The following MGAT5B variants were observed in gnomAD, a reference collection of about 807,000 sequenced individuals.
MGAT5B encodes N-acetylglucosaminyl-transferase Vb.
In MGAT5B, 54 loss-of-function variants were observed where a neutral mutation model predicts 95.1. The observed-to-expected ratio is 0.57, with a 90% confidence interval of 0.46 to 0.71. The LOEUF is 0.71. Among genes scored for constraint, MGAT5B ranks in the 30% least tolerant of loss-of-function variants. The pLI is 0.00. For missense variants in MGAT5B, 935 were observed against 1,088.6 expected (o/e 0.86, Z 1.99); for synonymous variants, 464 against 451.0 (o/e 1.03, Z -0.36).
At chr17:76,875,653 C>CTTTTTTTTTTTTTTTTTTTTTTTTTT (rs547158669) in intron 2 of MGAT5B, among the ~76,000 whole-genome samples, 1 of 67,114 alleles carries the variant, frequency 1.5e-5, no homozygotes, top group Non-Finnish European at 2.6e-5. Flanking sequence ...GTCACTTGCA[C>CTTTTTTTTTTTTTTTTTTTTTTTTTT]TTTTTTTTTT....
At position 76,940,261 on chromosome 17, in the gene MGAT5B, C is replaced by G; in HGVS notation, c.1585-141C>G. The G allele has an allele frequency of 9.3e-7, 1 of 1,078,580 alleles. No homozygotes were observed. The highest frequency in any genetic ancestry group is 1.3e-6 in the Non-Finnish European group (1 of 782,118). 66.8% of individuals were successfully genotyped at this position (1,078,580 alleles called of 1,614,324 possible). A position where few individuals can be genotyped will look rare whatever the true frequency, so the allele number is the denominator to read the frequency against. ...TCCAGCCCTGTTATAGCTCACATAACAGGCTGAGCAAAAATAATCGCTCCA... is the reference window on the plus strand; with the variant it reads ...TCCAGCCCTGTTATAGCTCACATAAGAGGCTGAGCAAAAATAATCGCTCCA... On this transcript the variant is annotated intron_variant, in intron 13 of 17. Coordinates refer to ENST00000569840, the MANE Select transcript of MGAT5B (RefSeq NM_001199172.2). The surrounding 1 kb of genome is among the most constrained non-coding windows in gnomAD (Gnocchi z 4.3).
At chr17:76,913,920 G>A in intron 8 of MGAT5B, 1 of 394,170 alleles carries the variant, frequency 2.5e-6, no homozygotes, top group Admixed American at 2.9e-5. Flanking sequence ...AGACCAGCCT[G>A]GGCAAGATAG....
rs1485731533 is a variant in MGAT5B, at chr17:76,870,508, G to A, written c.68+1411G>A. Among the ~76,000 whole-genome samples the A allele has an allele frequency of 6.6e-6, 1 of 152,188 alleles. No individual in the cohort carries two copies. The highest frequency in any genetic ancestry group is 1.5e-5 in the Non-Finnish European group (1 of 68,026). Reference sequence around the variant, plus strand: ...ACCCCATCCCTGTCCCGCCCTCCGGGCCGCTGGGTGTTTCCTGGCGCGATT... The same window carrying A: ...ACCCCATCCCTGTCCCGCCCTCCGGACCGCTGGGTGTTTCCTGGCGCGATT... On this transcript the variant is annotated intron_variant, in intron 1 of 17. Coordinates refer to ENST00000569840, the MANE Select transcript of MGAT5B (RefSeq NM_001199172.2). The surrounding 1 kb of genome is among the most constrained non-coding windows in gnomAD (Gnocchi z 5.0).
At chr17:76,887,056 C>CAAAAAACAAAAACA (rs1967658552) in intron 3 of MGAT5B, among the ~76,000 whole-genome samples, 1 of 59,350 alleles carries the variant, frequency 1.7e-5, no homozygotes, top group Non-Finnish European at 2.6e-5. Context: ...AAAACAAAAA[C>CAAAAAACAAAAACA]AAAAAAACAC....
At position 76,917,779 on chromosome 17, in the gene MGAT5B, G is replaced by C. The variant is rs1342909912; in HGVS notation, c.1026-7187G>C. Among the ~76,000 whole-genome samples the C allele has an allele frequency of 6.6e-6, 1 of 152,164 alleles. No homozygotes were observed. The highest frequency in any genetic ancestry group is 2.4e-5 in the African/African-American group (1 of 41,450). On this transcript the variant is annotated intron_variant, in intron 8 of 17. Coordinates refer to ENST00000569840, the MANE Select transcript of MGAT5B (RefSeq NM_001199172.2). This position sits in a 1 kb window ranked among gnomAD's most constrained non-coding sequence, Gnocchi z 6.1. The stretch of plus-strand genomic sequence containing the variant: ...CCCTGGCACACAGGAGTCACCCGAG[G>C]AGCTGAAAATAATCCCCGACGCCCA...
intron 1 of MGAT5B, 37 bp from the exon 2 acceptor site, chr17:76,872,814 T>C: frequency 6.2e-7 from 1 of 1,614,162 alleles, no homozygotes; most frequent in South Asian, 1.1e-5. Context: ...ACGATGGCCC[T>C]TCCTGCCCTC....
chr17:76,900,641 G>A (rs79994997), intron 3 of MGAT5B, among the ~76,000 whole-genome samples: 1,628 of 152,330 alleles, frequency 0.011, 24 homozygotes, highest in African/African-American at 0.028. Context: ...GTCTAAAGGC[G>A]CCGGCCCTGC....
chr17:76,874,144 A>G (rs1280903113), intron 2 of MGAT5B, among the ~76,000 whole-genome samples: 1 of 152,118 alleles, frequency 6.6e-6, no homozygotes, highest in African/African-American at 2.4e-5. Flanking sequence ...TGACTTGCAG[A>G]GATTCCTCAA....
chr17:76,942,121 C>G (rs1280671655), intron 15 of MGAT5B, among the ~76,000 whole-genome samples: 1 of 152,196 alleles, frequency 6.6e-6, no homozygotes, highest in Non-Finnish European at 1.5e-5. Flanking sequence ...CCTAGCAAAG[C>G]ACCGGCCTAG....
chr17:76,869,217 T>G lies in MGAT5B; in HGVS notation c.68+120T>G. ...AGGGGGCGGTTCACACTTCAACCCC[T>G]GGTGATGACCAGTGGGGCTGGGCTG... On this transcript the variant is annotated intron_variant, in intron 1 of 17. Coordinates refer to ENST00000569840, the MANE Select transcript of MGAT5B (RefSeq NM_001199172.2). This position sits in a 1 kb window ranked among gnomAD's most constrained non-coding sequence, Gnocchi z 7.0. The G allele has an allele frequency of 4.7e-5, 37 of 784,550 alleles. No homozygotes were observed. Among genetic ancestry groups the G allele is most frequent in the East Asian group, 9.2e-5 (3 of 32,606 alleles). The allele number at this position is 784,550 out of a possible 1,614,324, so 48.6% of individuals were successfully genotyped here. A position where few individuals can be genotyped will look rare whatever the true frequency, so the allele number is the denominator to read the frequency against.
intron 2 of MGAT5B, among the ~76,000 whole-genome samples, chr17:76,874,968 C>T (rs559000497): frequency 4.6e-5 from 7 of 152,134 alleles, no homozygotes; most frequent in South Asian, 2.1e-4. Context: ...TGTGTGTGTG[C>T]GTGTACGTGG....
Position 76,949,029 on chromosome 17 carries a change from C to CT in MGAT5B, c.*192dup. On this transcript the variant is annotated 3_prime_UTR_variant, in exon 18 of 18. Transcript: ENST00000569840. Reference sequence around the variant, plus strand: ...TAGGAGGAGGCAGCATGCCGAGCCCCTGGGACCTCCCAGGCAGGCTCCGGT... The same window carrying CT: ...TAGGAGGAGGCAGCATGCCGAGCCCCTTGGGACCTCCCAGGCAGGCTCCGGT... 5 of 681,276 alleles carry CT rather than the reference C, an allele frequency of 7.3e-6. No individual in the cohort carries two copies. Among genetic ancestry groups the CT allele is most frequent in the Non-Finnish European group, 1.2e-5 (5 of 412,354 alleles). The allele number at this position is 681,276 out of a possible 1,614,324, so 42.2% of individuals were successfully genotyped here.
In MGAT5B at chr17:76,938,934, C is replaced by G. The variant is rs1217275712; in HGVS notation, c.1584+791C>G. 6.6e-6 allele frequency among the ~76,000 whole-genome samples: 1 copy of G among 151,914 alleles called. No homozygotes were observed. Among genetic ancestry groups the G allele is most frequent in the South Asian group, 2.1e-4 (1 of 4,792 alleles). On this transcript the variant is annotated intron_variant, in intron 13 of 17. Transcript: ENST00000569840. The surrounding 1 kb of genome is among the most constrained non-coding windows in gnomAD (Gnocchi z 4.3). ...GCTTAAGCGATCCTACCACCTCGGC[C>G]TCTCAAAGTGCTGGGATTACAGATG...
rs1388089628 is a variant in MGAT5B at position 76,870,361 on chromosome 17, C to T, written c.68+1264C>T. Among the ~76,000 whole-genome samples the T allele has an allele frequency of 1.3e-5, 2 of 152,022 alleles. No homozygotes were observed. Among genetic ancestry groups the T allele is most frequent in the Non-Finnish European group, 2.9e-5 (2 of 67,968 alleles). On this transcript the variant is annotated intron_variant, in intron 1 of 17. Transcript: ENST00000569840. The surrounding 1 kb of genome is among the most constrained non-coding windows in gnomAD (Gnocchi z 5.0). ...TGCAGGCCGTGGGTGGTGATGGGGG[C>T]GTCGGGAGCCCATGGGAAGCAGGGC... is the stretch of plus-strand genomic sequence containing the variant.
intron 10 of MGAT5B, among the ~76,000 whole-genome samples, chr17:76,931,487 A>G (rs1969474095): frequency 6.6e-6 from 1 of 152,226 alleles, no homozygotes. Flanking sequence ...TTAGGGGACA[A>G]TGAGTGACTG....
Position 76,915,981 on chromosome 17 carries a change from C to A in MGAT5B, c.1026-8985C>A, listed in dbSNP as rs1195798373. 6.6e-6 allele frequency among the ~76,000 whole-genome samples: 1 copy of A among 152,244 alleles called. No individual in the cohort carries two copies. The highest frequency in any genetic ancestry group is 1.9e-4 in the East Asian group (1 of 5,190). ...TGGGTAGGCAGAAGACCTACCTAGA[C>A]TGCGGGTAAGGGGACAGAGAGGGAG... On this transcript the variant is annotated intron_variant, in intron 8 of 17. Transcript: ENST00000569840. The surrounding 1 kb of genome is among the most constrained non-coding windows in gnomAD (Gnocchi z 8.7).
intron 12 of MGAT5B, among the ~76,000 whole-genome samples, chr17:76,936,735 A>G (rs1016626995): frequency 2.0e-5 from 3 of 152,210 alleles, no homozygotes; most frequent in Non-Finnish European, 4.4e-5. Context: ...CCTTTGTCGA[A>G]AATCAGTTGA....
At position 76,914,588 on chromosome 17, in the gene MGAT5B, C is replaced by T. The variant is rs534653325; in HGVS notation, c.1025+8401C>T. The stretch of plus-strand genomic sequence containing the variant: ...AGAGGGGTAGATGGTGTTCTCCCTA[C>T]GTCCACATCTCTTCCTCCCTCCATG... On this transcript the variant is annotated intron_variant, in intron 8 of 17. Transcript: ENST00000569840. This position sits in a 1 kb window ranked among gnomAD's most constrained non-coding sequence, Gnocchi z 5.1. Among the ~76,000 whole-genome samples, 28 of 152,106 alleles carry T rather than the reference C, an allele frequency of 1.8e-4. No homozygotes were observed. The highest frequency in any genetic ancestry group is 1.0e-3 in the South Asian group (5 of 4,812).
intron 12 of MGAT5B, 112 bp from the exon 13 acceptor site, chr17:76,937,876 A>C: frequency 3.1e-4 from 423 of 1,354,188 alleles, no homozygotes; most frequent in Non-Finnish European, 4.0e-4. Flanking sequence ...GTTAATGGCC[A>C]ACCTGAGACT....
Sources: allele counts gnomAD v4.1 joint callset (sites outside exome capture counted in the v4.1 genomes callset), GRCh38; gene constraint gnomAD v4.1.1; non-coding constraint Gnocchi (gnomAD v3.1); transcripts MANE v1.5; gene names NCBI Gene and HGNC (gene_info 2026-07-23, HGNC 2026-07-21).